Variants in LRTM3 observed in about 807,000 individuals in gnomAD.
LRTM3 encodes the protein leucine-rich repeat transmembrane protein 3.
chr13:102,739,581 G>T, the LRTM3 span: 6 of 1,550,142 alleles, frequency 3.9e-6, no homozygotes, highest in Non-Finnish European at 5.2e-6. Context: ...TTGCCCTCTT[G>T]TTTTATAATG....
chr13:102,745,876 T>C, the LRTM3 span: 2 of 1,551,066 alleles, frequency 1.3e-6, no homozygotes, highest in East Asian at 2.4e-5. Flanking sequence ...AAATAGTTTG[T>C]GTAAAATGTG....
chr13:102,749,084 T>G, the LRTM3 span: 1 of 1,550,022 alleles, frequency 6.5e-7, no homozygotes, highest in Non-Finnish European at 8.7e-7. Flanking sequence ...CAAAGCTATA[T>G]CTGATATATC....
At chr13:102,749,014 T>C in the LRTM3 span, 2 of 1,550,790 alleles carry the variant, frequency 1.3e-6, no homozygotes, top group South Asian at 2.4e-5. Context: ...CTTTCACTAG[T>C]TGTTTTCTGG....
chr13:102,740,988 G>C, the LRTM3 span: 1 of 1,550,038 alleles, frequency 6.5e-7, no homozygotes, highest in African/African-American at 1.4e-5. Context: ...TGATCCACCG[G>C]AATACCTACT....
the LRTM3 span, among the ~76,000 whole-genome samples, chr13:102,755,767 T>C: frequency 6.6e-6 from 1 of 151,436 alleles, no homozygotes; most frequent in Non-Finnish European, 1.5e-5. Context: ...TCCTGGTTTT[T>C]TTTTTTAGAA....
chr13:102,741,303 C>T, the LRTM3 span: 3 of 1,549,840 alleles, frequency 1.9e-6, no homozygotes, highest in African/African-American at 4.1e-5. Context: ...GTATTCACTG[C>T]CTGTTTTAAG....
At chr13:102,736,217 G>A in the LRTM3 span, 2 of 1,548,856 alleles carry the variant, frequency 1.3e-6, no homozygotes, top group Non-Finnish European at 1.7e-6. Flanking sequence ...GAATGGATGA[G>A]TTTTTGTCAG....
the LRTM3 span, chr13:102,738,962 G>T: frequency 2.6e-6 from 4 of 1,550,358 alleles, no homozygotes; most frequent in Non-Finnish European, 3.5e-6. Context: ...CATATGTTTT[G>T]CTTTTTCAAT....
At chr13:102,740,908 G>T in the LRTM3 span, 1 of 1,549,852 alleles carries the variant, frequency 6.5e-7, no homozygotes, top group Non-Finnish European at 8.7e-7. Flanking sequence ...GAAAAGCCTC[G>T]TGTGTACTTT....
At chr13:102,746,097 A>G in the LRTM3 span, 1 of 1,551,056 alleles carries the variant, frequency 6.4e-7, no homozygotes, top group Non-Finnish European at 8.7e-7. Context: ...TCAGCTTCTA[A>G]AGGACCCATT....
At chr13:102,738,230 T>C in the LRTM3 span, 2 of 1,550,872 alleles carry the variant, frequency 1.3e-6, no homozygotes, top group African/African-American at 1.4e-5. Context: ...TTCATCGTCT[T>C]CTTTCTGTTG....
At chr13:102,747,402 A>T in the LRTM3 span, 1 of 1,549,370 alleles carries the variant, frequency 6.5e-7, no homozygotes, top group Non-Finnish European at 8.7e-7. Flanking sequence ...GGCATCAGTG[A>T]GATTGCTGGC....
At chr13:102,749,360 T>C in the LRTM3 span, 9 of 1,551,270 alleles carry the variant, frequency 5.8e-6, no homozygotes, top group African/African-American at 1.4e-5. Context: ...TTGCTGGCCT[T>C]GTGCTTTTAC....
At chr13:102,743,494 TG>T in the LRTM3 span, 1 of 1,548,850 alleles carries the variant, frequency 6.5e-7, no homozygotes, top group Admixed American at 2.0e-5. Context: ...TCTGTGAAAT[TG>T]GTGGTTTCTT....
At chr13:102,750,145 G>T in the LRTM3 span, 5 of 1,551,124 alleles carry the variant, frequency 3.2e-6, no homozygotes, top group Non-Finnish European at 3.5e-6. Context: ...CATATTCTCT[G>T]TCTGGATGCT....
the LRTM3 span, chr13:102,745,681 T>G: frequency 6.4e-7 from 1 of 1,551,082 alleles, no homozygotes; most frequent in South Asian, 1.2e-5. Context: ...TCGCTGTCTC[T>G]TTCTTTTCAG....
the LRTM3 span, chr13:102,729,510 AACTCCATAT>A: frequency 6.8e-7 from 1 of 1,466,764 alleles, no homozygotes; most frequent in East Asian, 2.5e-5. Context: ...TTTTTGGAGG[AACTCCATAT>A]ATTCCAAGAA....
At chr13:102,742,647 C>T in the LRTM3 span, 3 of 1,550,654 alleles carry the variant, frequency 1.9e-6, no homozygotes, top group African/African-American at 2.7e-5. Context: ...TTGCTTACAA[C>T]AGCATAACCT....
the LRTM3 span, chr13:102,745,141 T>C: frequency 6.4e-7 from 1 of 1,550,756 alleles, no homozygotes; most frequent in Non-Finnish European, 8.7e-7. Flanking sequence ...TCCTACTTCC[T>C]TGGTTTTCTA....
Sources: allele counts gnomAD v4.1 joint callset (sites outside exome capture counted in the v4.1 genomes callset), GRCh38; gene constraint gnomAD v4.1.1; transcripts MANE v1.5; gene names NCBI Gene and HGNC (gene_info 2026-07-23, HGNC 2026-07-21).